The following CYLC1 variants were observed in gnomAD, a reference collection of about 807,000 sequenced individuals.
The protein encoded by CYLC1 is cylicin 1.
CYLC1 carries 2 observed loss-of-function variants against 31.6 expected under a neutral mutation model. The observed-to-expected ratio is 0.06, with a 90% CI of 0.03 to 0.20. The LOEUF is 0.20. Ranked by LOEUF, CYLC1 falls within the 10% of genes least tolerant of loss-of-function variation. The pLI is 1.00. For synonymous variants in CYLC1, 185 were observed against 153.0 expected, an observed-to-expected ratio of 1.21 and a Z score of -1.54; for missense variants, 595 against 424.1, an observed-to-expected ratio of 1.40 and a Z score of -3.54.
In CYLC1 at chrX:83,874,189, A is replaced by C. The variant is rs2031723640; in HGVS notation, c.1481A>C (p.Lys494Thr). Residue 494 changes from lysine (K) to threonine (T), a missense_variant, in exon 4 of 5, where the codon AAG becomes ACG. By Grantham distance (78) the Lys-to-Thr change is moderately conservative. Coordinates refer to ENST00000329312, the MANE Select transcript of CYLC1 (RefSeq NM_021118.3). ...TEMESDLELK[K>T]DKKHSKEKKG... ...ATGGAATCTGATTTGGAGTTAAAGAAGGACAAGAAACACTCAAAGGAAAAG... is the reference window on the plus strand; with the variant it reads ...ATGGAATCTGATTTGGAGTTAAAGACGGACAAGAAACACTCAAAGGAAAAG... The C allele has an allele frequency of 8.3e-7, 1 of 1,203,025 alleles. No homozygotes were observed. Among genetic ancestry groups the C allele is most frequent in the Non-Finnish European group, 1.1e-6 (1 of 891,392 alleles).
chrX:83,873,824 T>C lies in CYLC1; in HGVS notation c.1116T>C (p.Thr372=). The C allele has an allele frequency of 8.4e-7, 1 of 1,186,684 alleles. No individual in the cohort carries two copies. Among genetic ancestry groups the C allele is most frequent in the Non-Finnish European group, 1.1e-6 (1 of 876,353 alleles). Reference sequence around the variant, plus strand: ...AGAAGTACCCAGAGTCTACTGATACTGAATCAGGAGATGCAAAGGATGCAA... The same window carrying C: ...AGAAGTACCCAGAGTCTACTGATACCGAATCAGGAGATGCAAAGGATGCAA... The part of the protein sequence containing the change: ...DTKKYPESTD[T]ESGDAKDARN... The change falls in exon 4 of 5, where the codon ACT becomes ACC. Residue 372 remains threonine, a synonymous_variant. Transcript: ENST00000329312.
At chrX:83,877,143 T>A (rs1314984257) in intron 4 of CYLC1, among the ~76,000 whole-genome samples, 1 of 111,088 alleles carries the variant, frequency 9.0e-6, no homozygotes, top group Non-Finnish European at 1.9e-5. Flanking sequence ...CTGGACATAA[T>A]CTCCTTCTCA....
chrX:83,881,963 T>C (rs1308364102), intron 4 of CYLC1, among the ~76,000 whole-genome samples: 1 of 110,746 alleles, frequency 9.0e-6, no homozygotes, highest in Admixed American at 9.7e-5. Flanking sequence ...CCCAAAGTGC[T>C]GGGATTACAG....
intron 4 of CYLC1, among the ~76,000 whole-genome samples, chrX:83,886,305 A>T (rs1177127295): frequency 9.0e-6 from 1 of 111,359 alleles, no homozygotes; most frequent in Non-Finnish European, 1.9e-5. Flanking sequence ...GTCCATTAAG[A>T]TTATTCAGGG....
chrX:83,873,153 G>A lies in CYLC1; in HGVS notation c.445G>A (p.Glu149Lys). The A allele has an allele frequency of 2.5e-6, 3 of 1,202,389 alleles. No individual in the cohort carries two copies. Among genetic ancestry groups the A allele is most frequent in the Non-Finnish European group, 3.4e-6 (3 of 890,798 alleles). ...AAATCCAGAATCCAAGCAAATAGTA[G>A]AAGAGAAAACTAAAAGACAAAATGA... The part of the protein sequence containing the change: ...ATNPESKQIV[E>K]EKTKRQNEAD... Residue 149 changes from glutamate to lysine, a missense_variant, in exon 4 of 5, where the codon GAA (glutamate) becomes AAA (lysine). Glu to Lys is a moderately conservative substitution (Grantham distance 56, BLOSUM62 1). Transcript: ENST00000329312.
chrX:83,877,002 G>C (rs2031770742), intron 4 of CYLC1, among the ~76,000 whole-genome samples: 1 of 110,741 alleles, frequency 9.0e-6, no homozygotes, highest in East Asian at 2.9e-4. Context: ...CTCCACTATA[G>C]TATCTACTGG....
At chrX:83,876,118 A>C (rs2031754397) in intron 4 of CYLC1, among the ~76,000 whole-genome samples, 2 of 110,836 alleles carry the variant, frequency 1.8e-5, no homozygotes, top group African/African-American at 6.5e-5. Context: ...ACATATGTAC[A>C]TCAATTTACT....
At chrX:83,882,493 C>G (rs1460986295) in intron 4 of CYLC1, among the ~76,000 whole-genome samples, 1 of 110,764 alleles carries the variant, frequency 9.0e-6, no homozygotes, top group Non-Finnish European at 1.9e-5. Flanking sequence ...CTTGTCTGTA[C>G]CTACATTAAC....
chrX:83,875,941 T>TC lies in CYLC1; in HGVS notation c.1923+1311dup, dbSNP rs748612937. Among the ~76,000 whole-genome samples, 8 of 110,206 alleles carry TC rather than the reference T, an allele frequency of 7.3e-5. No individual in the cohort carries two copies. In the East Asian group the frequency reaches 2.0e-3, roughly 28 times the overall value. Reference sequence around the variant, plus strand: ...TACAGCTAGTTCTTGACCCTAAACTTCTCATTTTTATTAATTTCCTCCTCC... The same window carrying TC: ...TACAGCTAGTTCTTGACCCTAAACTTCCTCATTTTTATTAATTTCCTCCTCC... On this transcript the variant is annotated intron_variant, in intron 4 of 4. Transcript: ENST00000329312.
At chrX:83,878,947 C>T (rs2031870919) in intron 4 of CYLC1, among the ~76,000 whole-genome samples, 1 of 107,059 alleles carries the variant, frequency 9.3e-6, no homozygotes, top group African/African-American at 3.4e-5. Context: ...AGCACATAAG[C>T]ACGTAAGAAC....
chrX:83,878,162 A>T (rs1435365545), intron 4 of CYLC1, among the ~76,000 whole-genome samples: 2 of 44,075 alleles, frequency 4.5e-5, no homozygotes, highest in African/African-American at 1.9e-4. Flanking sequence ...ATATAAATAT[A>T]TATATAAAAT....
chrX:83,865,984 A>T (rs2031587288), intron 1 of CYLC1, among the ~76,000 whole-genome samples: 1 of 111,154 alleles, frequency 9.0e-6, no homozygotes, highest in African/African-American at 3.3e-5. Flanking sequence ...CAGTCACTCA[A>T]AACTAAACTA....
At position 83,871,562 on chromosome X, in the gene CYLC1, A is replaced by G. The variant is rs776282972; in HGVS notation, c.169A>G (p.Thr57Ala). 2 of 1,189,015 alleles carry G rather than the reference A, an allele frequency of 1.7e-6. No homozygotes were observed. Among genetic ancestry groups the G allele is most frequent in the Non-Finnish European group, 2.3e-6 (2 of 884,896 alleles). ...DKSRPLKSQI[T>A]VTRHDKRKLE... ...ATCAAGACCTTTGAAATCACAAATA[A>G]CAGTTACTGTAAGTATAGAAAAAGT... The change falls in exon 3 of 5, where the codon ACA (threonine) becomes GCA (alanine). Residue 57 changes from threonine to alanine, a missense_variant. Physicochemically the swap from Thr to Ala is moderately conservative, Grantham distance 58 (BLOSUM62 0). Transcript: ENST00000329312.
intron 4 of CYLC1, among the ~76,000 whole-genome samples, chrX:83,882,227 T>C (rs1328223116): frequency 9.0e-6 from 1 of 111,340 alleles, no homozygotes; most frequent in Admixed American, 9.6e-5. Context: ...TTTCCATTGG[T>C]TTTCTTCCAT....
At chrX:83,862,208 G>T (rs2031517578) in intron 1 of CYLC1, among the ~76,000 whole-genome samples, 1 of 110,914 alleles carries the variant, frequency 9.0e-6, no homozygotes, top group South Asian at 3.7e-4. Context: ...ATTACTTTTA[G>T]AAAATGAAAA....
rs139434400 is a variant in CYLC1 at position 83,867,068 on chromosome X, C to T, written c.18-2797C>T. Among the ~76,000 whole-genome samples the T allele has an allele frequency of 9.7e-3, 1,083 of 111,618 alleles. 7 individuals carry two copies. Among genetic ancestry groups the T allele is most frequent in the Non-Finnish European group, 0.015 (809 of 52,990 alleles). On this transcript the variant is annotated intron_variant, in intron 1 of 4. Coordinates refer to ENST00000329312, the MANE Select transcript of CYLC1 (RefSeq NM_021118.3). ...CAGTTCAGCTGTTTCTGCCACTATA[C>T]AGCTGGAATTATCTTTCACCCAGTC...
chrX:83,869,949 A>G (rs1386774379), intron 2 of CYLC1, 44 bp downstream of exon 2: 1 of 734,021 alleles, frequency 1.4e-6, no homozygotes, highest in East Asian at 4.6e-5. Context: ...TAGATTGGAA[A>G]ACAATTTTAG....
At chrX:83,878,256 T>A (rs866019814) in intron 4 of CYLC1, among the ~76,000 whole-genome samples, 1 of 17,074 alleles carries the variant, frequency 5.9e-5, no homozygotes, top group Non-Finnish European at 8.5e-5. Flanking sequence ...TATATAAATA[T>A]ATATATAAAT....
chrX:83,868,871 G>C (rs1012186293), intron 1 of CYLC1, among the ~76,000 whole-genome samples: 1 of 109,651 alleles, frequency 9.1e-6, no homozygotes, highest in South Asian at 3.7e-4. Flanking sequence ...GTATATTCTC[G>C]AATCCTTTAT....
Sources: allele counts gnomAD v4.1 joint callset (sites outside exome capture counted in the v4.1 genomes callset), GRCh38; gene constraint gnomAD v4.1.1; transcripts MANE v1.5; gene names NCBI Gene and HGNC (gene_info 2026-07-23, HGNC 2026-07-21).